The following SNX4 variants were observed in gnomAD, a reference collection of about 807,000 sequenced individuals.
SNX4 encodes the protein sorting nexin-4.
SNX4 carries 49 observed loss-of-function variants against 70.8 expected under a neutral mutation model. The observed-to-expected ratio is 0.69, with a 90% CI of 0.55 to 0.88. SNX4 has a LOEUF of 0.88. Ranked by LOEUF, SNX4 falls within the 40% of genes least tolerant of loss-of-function variation. The pLI, the probability that SNX4 is intolerant of heterozygous loss-of-function variation, is 0.00. For synonymous variants in SNX4, 206 were observed against 183.8 expected, an observed-to-expected ratio of 1.12 and a Z score of -0.98; for missense variants, 528 against 544.8, an observed-to-expected ratio of 0.97 and a Z score of 0.31.
At chr3:125,480,822 C>T (rs1008203083) in intron 6 of SNX4, among the ~76,000 whole-genome samples, 4 of 152,120 alleles carry the variant, frequency 2.6e-5, no homozygotes, top group African/African-American at 9.7e-5. Flanking sequence ...CGACTCCCAC[C>T]TCTACCTCCT....
At chr3:125,477,206 T>A (rs548846537) in intron 7 of SNX4, among the ~76,000 whole-genome samples, 2 of 152,312 alleles carry the variant, frequency 1.3e-5, no homozygotes, top group South Asian at 2.1e-4. Flanking sequence ...TGTTTCCTTA[T>A]AATAAAATCC....
At chr3:125,513,638 C>T (rs1165223165) in intron 1 of SNX4, among the ~76,000 whole-genome samples, 1 of 152,178 alleles carries the variant, frequency 6.6e-6, no homozygotes, top group African/African-American at 2.4e-5. Context: ...ACCACTGTTA[C>T]TATAATGGTA....
At chr3:125,448,300 A>C (rs1157723266) in intron 13 of SNX4, among the ~76,000 whole-genome samples, 1 of 131,760 alleles carries the variant, frequency 7.6e-6, no homozygotes. Context: ...TATTTTTTGT[A>C]TTTTTTTTTT....
In SNX4 at chr3:125,447,417, A is replaced by G. The variant is rs907265353; in HGVS notation, c.*362T>C. On this transcript the variant is annotated 3_prime_UTR_variant, in exon 14 of 14. Transcript: ENST00000251775. ...AAATATAGGAATTCAATCTTAGGGA[A>G]AAATTCCCTACATTAATAGATCTGA... 2 of 167,856 alleles carry G rather than the reference A, an allele frequency of 1.2e-5. No homozygotes were observed. Among genetic ancestry groups the G allele is most frequent in the African/African-American group, 4.8e-5 (2 of 41,930 alleles). 10.4% of individuals were successfully genotyped at this position (167,856 alleles called of 1,614,324 possible).
intron 1 of SNX4, among the ~76,000 whole-genome samples, chr3:125,510,222 A>T (rs1935140581): frequency 6.6e-6 from 1 of 152,136 alleles, no homozygotes; most frequent in African/African-American, 2.4e-5. Flanking sequence ...ATGTCCATCA[A>T]CAGATGAATG....
At chr3:125,505,304 T>C (rs568135818) in intron 1 of SNX4, among the ~76,000 whole-genome samples, 92 of 152,276 alleles carry the variant, frequency 6.0e-4, no homozygotes, top group Non-Finnish European at 1.2e-3. Flanking sequence ...GAAAATATCT[T>C]AAAAACACAT....
chr3:125,485,320 C>CA (rs769320521), intron 6 of SNX4, among the ~76,000 whole-genome samples: 6 of 151,592 alleles, frequency 4.0e-5, no homozygotes, highest in Non-Finnish European at 5.9e-5. Flanking sequence ...TTTTTTTAGA[C>CA]AGAGTCTCAC....
chr3:125,469,529 A>T lies in SNX4; in HGVS notation c.789-10T>A. ...TATGGCACTCCATTCACTAGGGAGT[A>T]AAAGATAAAACCAAAAGCAACATGC... On this transcript the variant is annotated splice_polypyrimidine_tract_variant and intron_variant, in intron 8 of 13. Coordinates refer to ENST00000251775, the MANE Select transcript of SNX4 (RefSeq NM_003794.4). 1 of 1,601,106 alleles carries T rather than the reference A, an allele frequency of 6.2e-7. No homozygotes were observed. Among genetic ancestry groups the T allele is most frequent in the Non-Finnish European group, 8.6e-7 (1 of 1,168,306 alleles).
intron 6 of SNX4, among the ~76,000 whole-genome samples, chr3:125,483,407 C>A (rs1465930766): frequency 6.6e-6 from 1 of 152,096 alleles, no homozygotes; most frequent in African/African-American, 2.4e-5. Flanking sequence ...AAAAATGTTT[C>A]TTTGTCAGCT....
chr3:125,500,799 C>CAAAAAAAAAAAAAAAAAAAA lies in SNX4; in HGVS notation c.264-2625_264-2606dup, dbSNP rs770336677. 2.4e-4 allele frequency among the ~76,000 whole-genome samples: 7 copies of CAAAAAAAAAAAAAAAAAAAA among 29,316 alleles called. 2 individuals carry two copies. Among genetic ancestry groups the CAAAAAAAAAAAAAAAAAAAA allele is most frequent in the South Asian group, 2.1e-3 (1 of 484 alleles). 19.2% of individuals were successfully genotyped at this position (29,316 alleles called of 152,430 possible). A position where few individuals can be genotyped will look rare whatever the true frequency, so the allele number is the denominator to read the frequency against. ...TGGGCGACAGAGCAAGACTCCGTCT[C>CAAAAAAAAAAAAAAAAAAAA]AAAAAAAAAAAAAAAAAAAAAAAAA... is the stretch of plus-strand genomic sequence containing the variant. On this transcript the variant is annotated intron_variant, in intron 2 of 13. Transcript: ENST00000251775.
At chr3:125,499,807 G>A (rs1291952862) in intron 2 of SNX4, among the ~76,000 whole-genome samples, 4 of 150,088 alleles carry the variant, frequency 2.7e-5, no homozygotes, top group Non-Finnish European at 4.4e-5. Flanking sequence ...GGTGGCTCAC[G>A]CCTGTAATCC....
At position 125,483,320 on chromosome 3, in the gene SNX4, C is replaced by G. The variant is rs144045421; in HGVS notation, c.654-3001G>C. ...CTTTGTTAAACTCTGATCAGATCTT[C>G]CTGTGCTGGGTCCCAGGAGCTAGAA... On this transcript the variant is annotated intron_variant, in intron 6 of 13. Coordinates refer to ENST00000251775, the MANE Select transcript of SNX4 (RefSeq NM_003794.4). Among the ~76,000 whole-genome samples, 15 of 152,184 alleles carry G rather than the reference C, an allele frequency of 9.9e-5. No homozygotes were observed. The East Asian group carries it at 2.9e-3, about 29-fold the overall frequency.
rs1934396332 is a variant in SNX4, at chr3:125,480,914, T to C, written c.654-595A>G. 2.6e-5 allele frequency among the ~76,000 whole-genome samples: 4 copies of C among 152,288 alleles called. No individual in the cohort carries two copies. The South Asian group carries it at 8.3e-4, about 32-fold the overall frequency. On this transcript the variant is annotated intron_variant, in intron 6 of 13. Coordinates refer to ENST00000251775, the MANE Select transcript of SNX4 (RefSeq NM_003794.4). ...TTTCTTCCCATCTAACGCTCTAGAT[T>C]CCATTCCAGCTACACCCCATATTCC...
In SNX4 at chr3:125,499,095, C is replaced by T. The variant is rs114153951; in HGVS notation, c.264-901G>A. Reference sequence around the variant, plus strand: ...CAGTCTTACTTTTAATTATAAAGGGCTGGTAGGCAATGCCATGTCTCATAC... The same window carrying T: ...CAGTCTTACTTTTAATTATAAAGGGTTGGTAGGCAATGCCATGTCTCATAC... On this transcript the variant is annotated intron_variant, in intron 2 of 13. Coordinates refer to ENST00000251775, the MANE Select transcript of SNX4 (RefSeq NM_003794.4). 2.3e-3 allele frequency among the ~76,000 whole-genome samples: 343 copies of T among 152,270 alleles called. 2 individuals carry two copies. The highest frequency in any genetic ancestry group is 7.9e-3 in the African/African-American group (329 of 41,552).
chr3:125,514,549 G>A (rs1935235143), intron 1 of SNX4, among the ~76,000 whole-genome samples: 1 of 152,054 alleles, frequency 6.6e-6, no homozygotes, highest in African/African-American at 2.4e-5. Context: ...GTGCCACCAT[G>A]CCTGGCTAAT....
chr3:125,496,513 T>C (rs924751375), intron 5 of SNX4, among the ~76,000 whole-genome samples: 1 of 152,324 alleles, frequency 6.6e-6, no homozygotes, highest in East Asian at 1.9e-4. Context: ...TTTGGTACTG[T>C]ATTATCATGT....
chr3:125,516,536 A>G (rs1286330455), intron 1 of SNX4, among the ~76,000 whole-genome samples: 1 of 152,134 alleles, frequency 6.6e-6, no homozygotes, highest in African/African-American at 2.4e-5. Flanking sequence ...CCCTCTTAAA[A>G]TCTGCAGTCA....
At chr3:125,495,275 TATAC>T (rs1553727789) in intron 5 of SNX4, among the ~76,000 whole-genome samples, 23 of 83,062 alleles carry the variant, frequency 2.8e-4, no homozygotes, top group African/African-American at 8.0e-4. Context: ...TATATATATA[TATAC>T]ACATACACAC....
At chr3:125,499,575 A>G (rs1319093739) in intron 2 of SNX4, among the ~76,000 whole-genome samples, 2 of 152,204 alleles carry the variant, frequency 1.3e-5, no homozygotes, top group Non-Finnish European at 2.9e-5. Flanking sequence ...GTATACCTAG[A>G]CATTAGTTAT....
Sources: allele counts gnomAD v4.1 joint callset (sites outside exome capture counted in the v4.1 genomes callset), GRCh38; gene constraint gnomAD v4.1.1; transcripts MANE v1.5; gene names NCBI Gene and HGNC (gene_info 2026-07-23, HGNC 2026-07-21).